ARCN1: variants seen among roughly 807,000 people sequenced by gnomAD.
The protein encoded by ARCN1 is coatomer subunit delta.
Under a neutral mutation model 60.4 loss-of-function variants are expected in ARCN1, and 5 were observed. That is an observed-to-expected ratio of 0.08 (90% confidence interval 0.04 to 0.17). The LOEUF is 0.17. Ranked by LOEUF, ARCN1 falls within the 10% of genes least tolerant of loss-of-function variation. The pLI is 1.00. For missense variants in ARCN1, 464 were observed against 626.5 expected (o/e 0.74, Z 2.77); for synonymous variants, 224 against 220.0 (o/e 1.02, Z -0.16).
At chr11:118,583,543 C>T (rs1938707622) in intron 3 of ARCN1, among the ~76,000 whole-genome samples, 185 bp downstream of exon 3, 1 of 152,146 alleles carries the variant, frequency 6.6e-6, no homozygotes, top group African/African-American at 2.4e-5. Flanking sequence ...CACTTGAGTC[C>T]AGGAGTTCAA....
chr11:118,597,967 C>G lies in ARCN1; in HGVS notation c.1446+56C>G, dbSNP rs559833223. 6 of 1,559,582 alleles carry G rather than the reference C, an allele frequency of 3.8e-6. No individual in the cohort carries two copies. In the East Asian group the frequency reaches 1.3e-4, roughly 35 times the overall value. On this transcript the variant is annotated intron_variant, in intron 9 of 9. Coordinates refer to ENST00000264028, the MANE Select transcript of ARCN1 (RefSeq NM_001655.5). ...GGAAAGTGGTAGGACAGTAGGAACA[C>G]GTATAGGATGCCAGACAGGTAGCAT...
intron 4 of ARCN1, 60 bp from the exon 5 acceptor site, chr11:118,584,420 G>T: frequency 6.6e-7 from 1 of 1,507,484 alleles, no homozygotes; most frequent in South Asian, 1.3e-5. Flanking sequence ...ATTTTCATCA[G>T]ATCATGTGTG....
intron 5 of ARCN1, among the ~76,000 whole-genome samples, chr11:118,585,418 A>G (rs782422715): frequency 7.2e-5 from 11 of 152,038 alleles, no homozygotes; most frequent in Non-Finnish European, 1.3e-4. Context: ...GACTAGAGCT[A>G]TGGTGACCCC....
intron 3 of ARCN1, 102 bp from the exon 4 acceptor site, chr11:118,583,707 G>C (rs1193492552): frequency 3.9e-5 from 47 of 1,218,552 alleles, no homozygotes; most frequent in Non-Finnish European, 5.3e-5. Context: ...GCAGTGAGCT[G>C]TGATTGTGCC....
chr11:118,573,566 TTTA>T (rs1184834481), intron 1 of ARCN1: 2 of 642,932 alleles, frequency 3.1e-6, no homozygotes, highest in African/African-American at 3.7e-5. Flanking sequence ...CCTTATGTCC[TTTA>T]GTCTTTTGAA....
intron 1 of ARCN1, among the ~76,000 whole-genome samples, chr11:118,579,948 A>G (rs946691908): frequency 5.3e-5 from 8 of 152,294 alleles, no homozygotes; most frequent in African/African-American, 1.7e-4. Context: ...ATTTTATCCC[A>G]AGTCATAAAA....
At chr11:118,597,236 C>T (rs1235472883) in intron 8 of ARCN1, among the ~76,000 whole-genome samples, 2 of 152,096 alleles carry the variant, frequency 1.3e-5, no homozygotes, top group African/African-American at 2.4e-5. Context: ...AACAAATTCT[C>T]TCAAAGGCCT....
chr11:118,572,737 C>T (rs1012598818), intron 1 of ARCN1, 187 bp downstream of exon 1: 2 of 580,634 alleles, frequency 3.4e-6, no homozygotes, highest in African/African-American at 1.9e-5. Context: ...GGAGCTGACT[C>T]CAGTCCATCT....
rs782079898 is a variant in ARCN1, at chr11:118,572,537, C to G, written c.-11C>G. 9 of 1,611,500 alleles carry G rather than the reference C, an allele frequency of 5.6e-6. No individual in the cohort carries two copies. The highest frequency in any genetic ancestry group is 7.6e-6 in the Non-Finnish European group (9 of 1,179,278). The stretch of plus-strand genomic sequence containing the variant: ...GCCGGAGTGCGGGCGCGCCCCACCA[C>G]CGCCCTCACCATGGTAAGATCCGAG... On this transcript the variant is annotated 5_prime_UTR_variant, in exon 1 of 10. Coordinates refer to ENST00000264028, the MANE Select transcript of ARCN1 (RefSeq NM_001655.5).
Position 118,601,540 on chromosome 11 carries a change from A to G in ARCN1, c.*826A>G. 1.5e-6 allele frequency: 1 copy of G among 666,388 alleles called. No homozygotes were observed. Among genetic ancestry groups the G allele is most frequent in the South Asian group, 1.6e-5 (1 of 60,852 alleles). The allele number at this position is 666,388 out of a possible 1,614,324, so 41.3% of individuals were successfully genotyped here. ...TCATCTGTTTACAGGCATTATATTT[A>G]TTTGGCACTCCTGGAACAAGTATAT... On this transcript the variant is annotated 3_prime_UTR_variant, in exon 10 of 10. Coordinates refer to ENST00000264028, the MANE Select transcript of ARCN1 (RefSeq NM_001655.5).
chr11:118,583,834 A>T lies in ARCN1; in HGVS notation c.473A>T (p.Glu158Val). The T allele has an allele frequency of 6.2e-7, 1 of 1,614,210 alleles. No homozygotes were observed. The highest frequency in any genetic ancestry group is 1.3e-5 in the African/African-American group (1 of 75,058). The change falls in exon 4 of 10, where the codon GAG becomes GTG. Residue 158 changes from glutamate (E) to valine (V), a missense_variant. Coordinates refer to ENST00000264028, the MANE Select transcript of ARCN1 (RefSeq NM_001655.5). ...RETQEREAKA[E>V]MRRKAKELQQ... Reference sequence around the variant, plus strand: ...ACTCAAGAACGTGAAGCTAAGGCTGAGATGCGTCGTAAAGCAAAGGAATTA... The same window carrying T: ...ACTCAAGAACGTGAAGCTAAGGCTGTGATGCGTCGTAAAGCAAAGGAATTA...
Position 118,601,183 on chromosome 11 carries a change from C to G in ARCN1, c.*469C>G, listed in dbSNP as rs2135560371. On this transcript the variant is annotated 3_prime_UTR_variant, in exon 10 of 10. Coordinates refer to ENST00000264028, the MANE Select transcript of ARCN1 (RefSeq NM_001655.5). ...GTTCAAGCAAGTCTCCTGCCTCAGC[C>G]TCCGAGTAGCTGGGACTACAGGTGC... The G allele has an allele frequency of 4.4e-6, 1 of 225,004 alleles. No homozygotes were observed. The highest frequency in any genetic ancestry group is 5.6e-5 in the Admixed American group (1 of 17,762). 13.9% of individuals were successfully genotyped at this position (225,004 alleles called of 1,614,324 possible).
intron 2 of ARCN1, among the ~76,000 whole-genome samples, chr11:118,582,803 G>T (rs1409192751): frequency 6.6e-6 from 1 of 151,122 alleles, no homozygotes; most frequent in Non-Finnish European, 1.5e-5. Flanking sequence ...CAGTTTGGGA[G>T]ACTGAGGCAA....
At chr11:118,585,381 A>G (rs899117379) in intron 5 of ARCN1, among the ~76,000 whole-genome samples, 1 of 152,210 alleles carries the variant, frequency 6.6e-6, no homozygotes, top group Non-Finnish European at 1.5e-5. Context: ...TATATAGCGT[A>G]TCTCTTAGAA....
At chr11:118,600,541 T>C in intron 9 of ARCN1, 84 bp from the exon 10 acceptor site, 1 of 856,318 alleles carries the variant, frequency 1.2e-6, no homozygotes, top group Non-Finnish European at 1.8e-6. Context: ...TTAGGGAAAT[T>C]GATATGTTCT....
intron 1 of ARCN1, among the ~76,000 whole-genome samples, chr11:118,580,351 C>G (rs1938623091): frequency 6.6e-6 from 1 of 152,078 alleles, no homozygotes; most frequent in South Asian, 2.1e-4. Flanking sequence ...ATTGTGAATT[C>G]TGATCCTCAG....
intron 9 of ARCN1, among the ~76,000 whole-genome samples, chr11:118,599,591 A>G (rs771991137): frequency 6.7e-6 from 1 of 148,444 alleles, no homozygotes; most frequent in Non-Finnish European, 1.5e-5. Context: ...ACACCCAGCT[A>G]ATTTTTTTTT....
intron 5 of ARCN1, among the ~76,000 whole-genome samples, chr11:118,586,852 CA>C (rs781894156): frequency 0.029 from 1,573 of 53,400 alleles, 15 homozygotes; most frequent in African/African-American, 0.081. Flanking sequence ...ACTCTATCTC[CA>C]AAAAAAAAAA....
In ARCN1 at chr11:118,602,478, C is replaced by T. The variant is rs548899030; in HGVS notation, c.*1764C>T. 1 of 153,872 alleles carries T rather than the reference C, an allele frequency of 6.5e-6. No homozygotes were observed. The highest frequency in any genetic ancestry group is 2.1e-4 in the South Asian group (1 of 4,832). 9.5% of individuals were successfully genotyped at this position (153,872 alleles called of 1,614,324 possible). The stretch of plus-strand genomic sequence containing the variant: ...GCACTTTTAGCTGGTTGAAAAGTAC[C>T]ACTCCCACTCTGAACATCTGGCCGT... On this transcript the variant is annotated 3_prime_UTR_variant, in exon 10 of 10. Transcript: ENST00000264028.
Sources: gnomAD v4.1 joint callset for allele counts (sites outside exome capture counted in the v4.1 genomes callset) on GRCh38, gnomAD v4.1.1 for gene constraint, MANE v1.5 for transcripts, NCBI Gene and HGNC (gene_info 2026-07-23, HGNC 2026-07-21) for gene names.